The following MERTK variants were observed in gnomAD, a reference collection of about 807,000 sequenced individuals.
MERTK encodes MER proto-oncogene, tyrosine kinase.
Under a neutral mutation model 99.3 loss-of-function variants are expected in MERTK, and 69 were observed. The observed-to-expected ratio is 0.70, with a 90% CI of 0.57 to 0.85. The LOEUF is 0.85. MERTK is among the 40% of genes least tolerant of loss of function. The pLI, the probability that MERTK is intolerant of heterozygous loss-of-function variation, is 0.00. For missense variants in MERTK, 1,125 were observed against 1,249.4 expected (o/e 0.90, Z 1.50); for synonymous variants, 426 against 467.6 (o/e 0.91, Z 1.15).
In MERTK at chr2:111,987,468, GGTCTTGCTC is replaced by G. The variant is rs1227548417; in HGVS notation, c.1296+4481_1296+4489del. Among the ~76,000 whole-genome samples the G allele has an allele frequency of 2.0e-5, 3 of 152,304 alleles. No individual in the cohort carries two copies. The East Asian group carries it at 5.8e-4, about 29-fold the overall frequency. ...TGTGTTCTCTTTGAAGTTGGAGGCAGGTCTTGCTCGTCTTTGTACTGTCTGAACACAGGG... is the reference window on the plus strand; with the variant it reads ...TGTGTTCTCTTTGAAGTTGGAGGCAGGTCTTTGTACTGTCTGAACACAGGG... On this transcript the variant is annotated intron_variant, in intron 8 of 18. Coordinates refer to ENST00000295408, the MANE Select transcript of MERTK (RefSeq NM_006343.3).
chr2:111,911,067 C>T (rs12477716), intron 1 of MERTK, among the ~76,000 whole-genome samples: 36,377 of 152,020 alleles, frequency 0.24, 4,709 homozygotes, highest in South Asian at 0.32. Flanking sequence ...TAACCTTTCC[C>T]TGATTATTCC....
intron 2 of MERTK, among the ~76,000 whole-genome samples, chr2:111,931,732 T>C (rs1250856313): frequency 3.3e-5 from 5 of 152,020 alleles, no homozygotes; most frequent in African/African-American, 4.8e-5. Context: ...GTTTAAAGAT[T>C]TCAAGAACAG....
At chr2:112,020,257 T>C (rs1418454677) in intron 16 of MERTK, among the ~76,000 whole-genome samples, 1 of 152,158 alleles carries the variant, frequency 6.6e-6, no homozygotes, top group African/African-American at 2.4e-5. Context: ...TTTGGTTTTG[T>C]TATTGTTATT....
intron 13 of MERTK, among the ~76,000 whole-genome samples, chr2:112,006,141 CA>C (rs534566816): frequency 1.3e-3 from 191 of 152,180 alleles, no homozygotes; most frequent in African/African-American, 3.7e-3. Context: ...CTTGGCCTCC[CA>C]AAGTGCTGGG....
chr2:111,995,675 C>T (rs946296001), intron 9 of MERTK, among the ~76,000 whole-genome samples: 8 of 152,176 alleles, frequency 5.3e-5, no homozygotes, highest in Non-Finnish European at 7.3e-5. Context: ...TCTGGCTGGA[C>T]GCAGTGACTC....
intron 13 of MERTK, among the ~76,000 whole-genome samples, chr2:112,004,464 A>G (rs1676940413): frequency 6.6e-6 from 1 of 152,190 alleles, no homozygotes; most frequent in African/African-American, 2.4e-5. Context: ...TTCCCCAGAA[A>G]GAGGAGAAAT....
intron 8 of MERTK, among the ~76,000 whole-genome samples, chr2:111,985,902 G>A (rs1461031165): frequency 6.6e-6 from 1 of 152,186 alleles, no homozygotes; most frequent in African/African-American, 2.4e-5. Context: ...TGGAGCATCA[G>A]ATATAGATGC....
At chr2:112,020,281 T>G (rs1677312481) in intron 16 of MERTK, among the ~76,000 whole-genome samples, 1 of 152,166 alleles carries the variant, frequency 6.6e-6, no homozygotes, top group African/African-American at 2.4e-5. Flanking sequence ...TAAATAATTT[T>G]TCGACCATGG....
chr2:112,019,670 G>A (rs986246548), intron 16 of MERTK, 148 bp downstream of exon 16: 1 of 728,316 alleles, frequency 1.4e-6, no homozygotes, highest in Non-Finnish European at 2.5e-6. Flanking sequence ...ATGGAAATAT[G>A]GCTGGGTGTT....
intron 4 of MERTK, among the ~76,000 whole-genome samples, chr2:111,956,426 T>C (rs1228121785): frequency 6.6e-6 from 1 of 152,206 alleles, no homozygotes; most frequent in Non-Finnish European, 1.5e-5. Flanking sequence ...TGGGCTTGCG[T>C]TGATCTTTCA....
intron 8 of MERTK, among the ~76,000 whole-genome samples, chr2:111,984,529 C>T (rs144460302): frequency 7.6e-4 from 115 of 152,270 alleles, no homozygotes; most frequent in African/African-American, 2.5e-3. Flanking sequence ...TGGAACATAA[C>T]GCTTTTGTGA....
intron 4 of MERTK, among the ~76,000 whole-genome samples, chr2:111,964,324 T>C (rs981992108): frequency 3.3e-5 from 5 of 152,112 alleles, no homozygotes; most frequent in African/African-American, 1.2e-4. Context: ...TGGGAACTCT[T>C]TGAGTTAGCT....
chr2:111,998,656 GAAGA>G (rs1676801409), intron 10 of MERTK, among the ~76,000 whole-genome samples: 1 of 152,214 alleles, frequency 6.6e-6, no homozygotes, highest in South Asian at 2.1e-4. Context: ...GCTAAGATCT[GAAGA>G]AAGAGCAGGT....
chr2:112,000,869 A>C (rs1214461431), intron 10 of MERTK, among the ~76,000 whole-genome samples: 1 of 152,094 alleles, frequency 6.6e-6, no homozygotes, highest in African/African-American at 2.4e-5. Flanking sequence ...CATTCATTCA[A>C]TCATATTTTC....
rs780007963 is a variant in MERTK at position 112,008,383 on chromosome 2, T to A, written c.1868T>A (p.Leu623Ter). ...TAACCTTTTCTATTTTCTCCTCTAG[T>A]GGACAACTCTTCACAGCGGGAGATC... ...SLKVAVKTMK[L>*]DNSSQREIEE... The change falls in exon 14 of 19, where the codon TTG becomes TAG. Residue 623 changes from leucine (L) to a stop codon, truncating the protein, a stop_gained and splice_region_variant. Coordinates refer to ENST00000295408, the MANE Select transcript of MERTK (RefSeq NM_006343.3). LOFTEE classifies it high-confidence loss of function. 5 of 1,612,106 alleles carry A rather than the reference T, an allele frequency of 3.1e-6. No individual in the cohort carries two copies. The African/African-American group carries it at 6.7e-5, about 22-fold the overall frequency.
chr2:111,976,254 C>T (rs552750582), intron 7 of MERTK, among the ~76,000 whole-genome samples: 4 of 152,266 alleles, frequency 2.6e-5, no homozygotes, highest in African/African-American at 7.2e-5. Flanking sequence ...ACCCTGTTCT[C>T]TTGTTTTTTT....
At chr2:111,947,003 G>A (rs35776963) in intron 3 of MERTK, among the ~76,000 whole-genome samples, 79,738 of 152,102 alleles carry the variant, frequency 0.52, 21,073 homozygotes, top group Middle Eastern at 0.56. Context: ...GGCTGGGCGC[G>A]GTGGCACGCC....
intron 11 of MERTK, 130 bp from the exon 12 acceptor site, chr2:112,002,962 G>T: frequency 1.7e-6 from 1 of 573,046 alleles, no homozygotes; most frequent in Non-Finnish European, 3.3e-6. Context: ...AACAGAGCTA[G>T]ACTCTGGCTC....
intron 4 of MERTK, among the ~76,000 whole-genome samples, chr2:111,951,536 T>TATA (rs1685056300): frequency 8.0e-6 from 1 of 125,186 alleles, no homozygotes; most frequent in African/African-American, 2.7e-5. Flanking sequence ...TATATATATA[T>TATA]ATATATATAT....
Sources: allele counts gnomAD v4.1 joint callset (sites outside exome capture counted in the v4.1 genomes callset), GRCh38; gene constraint gnomAD v4.1.1; transcripts MANE v1.5; gene names NCBI Gene and HGNC (gene_info 2026-07-23, HGNC 2026-07-21).